The following PANK2 variants were observed in gnomAD, a reference collection of about 807,000 sequenced individuals.
PANK2 encodes the protein pantothenate kinase 2, mitochondrial.
In PANK2, 36 loss-of-function variants were observed where a neutral mutation model predicts 43.1. The ratio of observed to expected loss-of-function variants is 0.84; its 90% CI spans 0.64 to 1.10. PANK2 has a LOEUF of 1.10. PANK2 is among the 50% of genes least tolerant of loss of function. The pLI is 0.00. For synonymous variants in PANK2, 281 were observed against 238.2 expected (o/e 1.18, Z -1.66); for missense variants, 576 against 593.3 (o/e 0.97, Z 0.30).
chr20:3,894,674 G>A (rs1183784656), intron 1 of PANK2, among the ~76,000 whole-genome samples: 2 of 151,488 alleles, frequency 1.3e-5, no homozygotes, highest in African/African-American at 4.9e-5. Flanking sequence ...TGTCTCCCAG[G>A]TTCAAGTGAT....
At chr20:3,917,363 A>G in intron 5 of PANK2, 1 of 495,682 alleles carries the variant, frequency 2.0e-6, no homozygotes, top group African/African-American at 2.0e-5. Flanking sequence ...TGCTGAATGT[A>G]GACTCCACAC....
At chr20:3,919,832 A>G (rs913804077) in intron 6 of PANK2, among the ~76,000 whole-genome samples, 54 of 152,230 alleles carry the variant, frequency 3.5e-4, no homozygotes, top group Non-Finnish European at 8.8e-5. Context: ...AAGGAAATCA[A>G]AGTCCAGATA....
chr20:3,921,902 G>A (rs920078680), intron 6 of PANK2: 5 of 152,140 alleles, frequency 3.3e-5, no homozygotes, highest in African/African-American at 1.2e-4. Flanking sequence ...GTAGAGACAC[G>A]GGGTTTGCCA....
chr20:3,900,102 T>C (rs1345482325), intron 1 of PANK2, among the ~76,000 whole-genome samples: 1 of 151,974 alleles, frequency 6.6e-6, no homozygotes, highest in African/African-American at 2.4e-5. Context: ...TTGTATCTGC[T>C]TGCTGTTAAC....
chr20:3,904,457 C>G (rs995545858), intron 1 of PANK2, among the ~76,000 whole-genome samples: 6 of 150,688 alleles, frequency 4.0e-5, no homozygotes, highest in African/African-American at 1.5e-4. Flanking sequence ...GTCGTAGTTA[C>G]TTGGGATGAT....
intron 6 of PANK2, among the ~76,000 whole-genome samples, chr20:3,920,043 G>C (rs2090622889): frequency 1.3e-5 from 2 of 151,968 alleles, no homozygotes; most frequent in African/African-American, 4.8e-5. Context: ...TTGCCATTAA[G>C]TTTCTTACAG....
chr20:3,892,106 C>T (rs6076566), intron 1 of PANK2, among the ~76,000 whole-genome samples: 64,528 of 151,938 alleles, frequency 0.42, 14,414 homozygotes, highest in South Asian at 0.53. Context: ...GAGGCCAAGG[C>T]GGGTGGATCA....
chr20:3,893,006 G>A (rs1039853508), intron 1 of PANK2, among the ~76,000 whole-genome samples: 3 of 152,114 alleles, frequency 2.0e-5, no homozygotes, highest in African/African-American at 4.8e-5. Flanking sequence ...TTAAAATGAT[G>A]GAAACCAAGA....
chr20:3,920,380 A>G (rs1040227421), intron 6 of PANK2, among the ~76,000 whole-genome samples: 21 of 151,974 alleles, frequency 1.4e-4, no homozygotes, highest in African/African-American at 3.9e-4. Flanking sequence ...GCTGGGCGCA[A>G]TGGCGGGCGC....
At chr20:3,922,420 T>C (rs2090660663) in intron 6 of PANK2, among the ~76,000 whole-genome samples, 1 of 152,274 alleles carries the variant, frequency 6.6e-6, no homozygotes, top group African/African-American at 2.4e-5. Context: ...TCTCAGCTGC[T>C]GCTTCTGTGT....
chr20:3,907,900 C>A, intron 1 of PANK2, 26 bp from the exon 2 acceptor site: 2 of 1,600,076 alleles, frequency 1.2e-6, no homozygotes, highest in East Asian at 4.5e-5. Context: ...AAAAGCTGTT[C>A]TGACTTATTT....
chr20:3,924,712 T>C lies in PANK2; in HGVS notation c.*1418T>C, dbSNP rs555581916. 6.8e-4 allele frequency: 104 copies of C among 153,072 alleles called. No individual in the cohort carries two copies. Among genetic ancestry groups the C allele is most frequent in the South Asian group, 3.7e-3 (18 of 4,854 alleles). The allele number at this position is 153,072 out of a possible 1,614,324, so 9.5% of individuals were successfully genotyped here. Reference sequence around the variant, plus strand: ...CTGGCCTATACTACCTCTGACGCCCTGATCCTGAGTTCCTCTGCCCTCCTC... The same window carrying C: ...CTGGCCTATACTACCTCTGACGCCCCGATCCTGAGTTCCTCTGCCCTCCTC... On this transcript the variant is annotated 3_prime_UTR_variant, in exon 7 of 7. Coordinates refer to ENST00000610179, the MANE Select transcript of PANK2 (RefSeq NM_001386393.1).
At chr20:3,911,990 A>C (rs1277837129) in intron 3 of PANK2, among the ~76,000 whole-genome samples, 1 of 152,204 alleles carries the variant, frequency 6.6e-6, no homozygotes, top group Non-Finnish European at 1.5e-5. Flanking sequence ...TGGGATAAAC[A>C]ATTTTTTTAA....
Position 3,923,628 on chromosome 20 carries a change from G to C in PANK2, c.*334G>C. 2.6e-6 allele frequency: 1 copy of C among 390,176 alleles called. No individual in the cohort carries two copies. The highest frequency in any genetic ancestry group is 5.1e-5 in the East Asian group (1 of 19,662). The allele number at this position is 390,176 out of a possible 1,614,324, so 24.2% of individuals were successfully genotyped here. ...AGAGCTGCTCTGTGTTCAGTTGACTGGTTTTGTGTCCTGTTTGAACTTGCT... is the reference window on the plus strand; with the variant it reads ...AGAGCTGCTCTGTGTTCAGTTGACTCGTTTTGTGTCCTGTTTGAACTTGCT... On this transcript the variant is annotated 3_prime_UTR_variant, in exon 7 of 7. Coordinates refer to ENST00000610179, the MANE Select transcript of PANK2 (RefSeq NM_001386393.1).
At chr20:3,902,396 C>G (rs750188823) in intron 1 of PANK2, among the ~76,000 whole-genome samples, 1 of 151,656 alleles carries the variant, frequency 6.6e-6, no homozygotes, top group Admixed American at 6.6e-5. Flanking sequence ...GTGGGACAAT[C>G]TTGGCTCACT....
intron 4 of PANK2, among the ~76,000 whole-genome samples, chr20:3,915,269 T>C (rs960564442): frequency 6.6e-6 from 1 of 151,828 alleles, no homozygotes; most frequent in Non-Finnish European, 1.5e-5. Flanking sequence ...TAGTTTTAGC[T>C]CATATATATA....
At chr20:3,922,037 A>G (rs2090655123) in intron 6 of PANK2, among the ~76,000 whole-genome samples, 1 of 152,142 alleles carries the variant, frequency 6.6e-6, no homozygotes, top group Non-Finnish European at 1.5e-5. Flanking sequence ...ATTGCCAACT[A>G]GAGTGTGACA....
rs149993855 is a variant in PANK2 at position 3,901,826 on chromosome 20, A to G, written c.299-6100A>G. 4.0e-4 allele frequency among the ~76,000 whole-genome samples: 61 copies of G among 152,122 alleles called. 1 individual carries two copies. Among genetic ancestry groups the G allele is most frequent in the African/African-American group, 1.4e-3 (59 of 41,568 alleles). ...AAATTGTTTTTGCACTCCCGCTTGA[A>G]AGCTTATTTGGTTGGCTGGATATAA... On this transcript the variant is annotated intron_variant, in intron 1 of 6. Coordinates refer to ENST00000610179, the MANE Select transcript of PANK2 (RefSeq NM_001386393.1).
chr20:3,918,577 T>G, intron 5 of PANK2, 94 bp from the exon 6 acceptor site: 3 of 1,545,884 alleles, frequency 1.9e-6, no homozygotes, highest in Non-Finnish European at 2.7e-6. Flanking sequence ...AAATTGTTGC[T>G]AAGAGCTATG....
Sources: allele counts gnomAD v4.1 joint callset (sites outside exome capture counted in the v4.1 genomes callset), GRCh38; gene constraint gnomAD v4.1.1; transcripts MANE v1.5; gene names NCBI Gene and HGNC (gene_info 2026-07-23, HGNC 2026-07-21).